The following AP1M1 variants were observed in gnomAD, a reference collection of about 807,000 sequenced individuals.
AP1M1 encodes AP-1 complex subunit mu-1.
Under a neutral mutation model 57.1 loss-of-function variants are expected in AP1M1, and 18 were observed. The ratio of observed to expected loss-of-function variants is 0.32; its 90% CI spans 0.22 to 0.47. AP1M1 has a LOEUF of 0.47. AP1M1 is among the 20% of genes least tolerant of loss of function. AP1M1 has a pLI of 1.00. For synonymous variants in AP1M1, 241 were observed against 237.9 expected (o/e 1.01, Z -0.12); for missense variants, 362 against 593.5 (o/e 0.61, Z 4.05).
chr19:16,230,587 G>T (rs1029408126), intron 9 of AP1M1, among the ~76,000 whole-genome samples: 1 of 152,118 alleles, frequency 6.6e-6, no homozygotes, highest in South Asian at 2.1e-4. Context: ...TTTTAATAGA[G>T]ACGGGGTTTC....
intron 5 of AP1M1, among the ~76,000 whole-genome samples, chr19:16,222,777 T>A (rs991943899): frequency 3.3e-5 from 5 of 152,132 alleles, no homozygotes; most frequent in Non-Finnish European, 7.4e-5. Context: ...CTGGCTAATT[T>A]TTTTTTATTT....
chr19:16,198,598 A>G (rs1434412974), intron 1 of AP1M1, among the ~76,000 whole-genome samples: 1 of 152,152 alleles, frequency 6.6e-6, no homozygotes, highest in African/African-American at 2.4e-5. Flanking sequence ...GTGAGTGGTG[A>G]TCACGAGTGC....
At chr19:16,231,126 A>G (rs2091594295) in intron 9 of AP1M1, among the ~76,000 whole-genome samples, 1 of 151,812 alleles carries the variant, frequency 6.6e-6, no homozygotes, top group Non-Finnish European at 1.5e-5. Context: ...GTCTCTACTA[A>G]AAATACAAAA....
Position 16,214,650 on chromosome 19 carries a change from C to G in AP1M1, c.546+5473C>G, listed in dbSNP as rs1211822768. Among the ~76,000 whole-genome samples the G allele has an allele frequency of 2.0e-5, 3 of 151,786 alleles. No homozygotes were observed. The South Asian group carries it at 6.2e-4, about 32-fold the overall frequency. Reference sequence around the variant, plus strand: ...TACAGGCATGAGCCACCACACCCGGCCTTCTTTTCATATTTAGTACTTCTT... The same window carrying G: ...TACAGGCATGAGCCACCACACCCGGGCTTCTTTTCATATTTAGTACTTCTT... On this transcript the variant is annotated intron_variant, in intron 5 of 11. Coordinates refer to ENST00000291439, the MANE Select transcript of AP1M1 (RefSeq NM_032493.4).
intron 2 of AP1M1, among the ~76,000 whole-genome samples, chr19:16,205,565 TG>T (rs2091466066): frequency 6.6e-6 from 1 of 152,052 alleles, no homozygotes; most frequent in South Asian, 2.1e-4. Context: ...AGCTCACTCC[TG>T]GGCAGACGAG....
At chr19:16,234,026 C>T in intron 10 of AP1M1, 173 bp from the exon 11 acceptor site, 3 of 655,846 alleles carry the variant, frequency 4.6e-6, no homozygotes, top group Non-Finnish European at 2.5e-6. Flanking sequence ...CGGCTCTGCC[C>T]TCCCACACAT....
In AP1M1 at chr19:16,206,457, C is replaced by T. The variant is rs2091470016; in HGVS notation, c.267+49C>T. On this transcript the variant is annotated intron_variant, in intron 3 of 11. Coordinates refer to ENST00000291439, the MANE Select transcript of AP1M1 (RefSeq NM_032493.4). This position sits in a 1 kb window ranked among gnomAD's most constrained non-coding sequence, Gnocchi z 4.3. ...TGGGCTTGGGTGGAGGTTGTCTTGG[C>T]TCTGCTTGTGGACCTCCCCATACCT... 1.3e-6 allele frequency: 2 copies of T among 1,599,384 alleles called. No individual in the cohort carries two copies. The highest frequency in any genetic ancestry group is 1.7e-5 in the Admixed American group (1 of 59,876).
chr19:16,231,646 G>T lies in AP1M1; in HGVS notation c.1048-1847G>T, dbSNP rs149828121. On this transcript the variant is annotated intron_variant, in intron 9 of 11. Coordinates refer to ENST00000291439, the MANE Select transcript of AP1M1 (RefSeq NM_032493.4). ...GGTTTCGCTATTGTTGCTCAGGCTG[G>T]TCTCAGGTGATCTGCCTGCTTCGGC... Among the ~76,000 whole-genome samples, 49 of 152,250 alleles carry T rather than the reference G, an allele frequency of 3.2e-4. No individual in the cohort carries two copies. In the East Asian group the frequency reaches 8.7e-3, roughly 27 times the overall value.
At chr19:16,219,402 T>TGG (rs1599460782) in intron 5 of AP1M1, among the ~76,000 whole-genome samples, 3 of 142,104 alleles carry the variant, frequency 2.1e-5, no homozygotes, top group East Asian at 2.0e-4. Context: ...TTTTTTGTTT[T>TGG]TTTTTTTTTT....
rs142658883 is a variant in AP1M1 at position 16,225,031 on chromosome 19, C to T, written c.547-1390C>T. On this transcript the variant is annotated intron_variant, in intron 5 of 11. Transcript: ENST00000291439. ...GTTGTGCACCATGGGATCAGGGAGC[C>T]GCTTGCGAGATGAGGACAGGACAGC... 3.7e-3 allele frequency among the ~76,000 whole-genome samples: 566 copies of T among 152,192 alleles called. 4 individuals carry two copies. Among genetic ancestry groups the T allele is most frequent in the African/African-American group, 0.013 (533 of 41,522 alleles).
intron 5 of AP1M1, among the ~76,000 whole-genome samples, chr19:16,222,584 G>A (rs1416943360): frequency 7.9e-6 from 1 of 127,380 alleles, no homozygotes; most frequent in Non-Finnish European, 1.8e-5. Flanking sequence ...TTTTCCATTT[G>A]ATTCTTCTCT....
At position 16,240,276 on chromosome 19, in the gene AP1M1, G is replaced by GTGTGTA. The variant is rs1555726384; in HGVS notation, c.*5846_*5847insATGTGT. Reference sequence around the variant, plus strand: ...TGTGTGTGTGTGTGTGTGTGTGTATGTGTGTGTGTGTGTGTGTGTGTGTGT... The same window carrying GTGTGTA: ...TGTGTGTGTGTGTGTGTGTGTGTATGTGTGTATGTGTGTGTGTGTGTGTGTGTGTGT... On this transcript the variant is annotated 3_prime_UTR_variant, in exon 12 of 12. Coordinates refer to ENST00000291439, the MANE Select transcript of AP1M1 (RefSeq NM_032493.4). 5 of 100,568 alleles carry GTGTGTA rather than the reference G, an allele frequency of 5.0e-5. No homozygotes were observed. The highest frequency in any genetic ancestry group is 6.9e-5 in the Non-Finnish European group (4 of 58,354). The allele number at this position is 100,568 out of a possible 1,614,324, so 6.2% of individuals were successfully genotyped here.
At chr19:16,198,096 T>C (rs1378005863) in intron 1 of AP1M1, 28 bp downstream of exon 1, 1 of 1,591,586 alleles carries the variant, frequency 6.3e-7, no homozygotes. Context: ...CCCTCCCTGT[T>C]GCCAGGCAAC....
At chr19:16,205,504 G>A (rs2091465839) in intron 2 of AP1M1, among the ~76,000 whole-genome samples, 1 of 152,176 alleles carries the variant, frequency 6.6e-6, no homozygotes, top group South Asian at 2.1e-4. Flanking sequence ...CCTGTGCTGT[G>A]CTGGGGTGAG....
rs140174007 is a variant in AP1M1 at position 16,240,782 on chromosome 19, C to G, written c.*6347C>G. 1 of 152,176 alleles carries G rather than the reference C, an allele frequency of 6.6e-6. No homozygotes were observed. Among genetic ancestry groups the G allele is most frequent in the Admixed American group, 6.5e-5 (1 of 15,270 alleles). The allele number at this position is 152,176 out of a possible 1,614,324, so 9.4% of individuals were successfully genotyped here. On this transcript the variant is annotated 3_prime_UTR_variant, in exon 12 of 12. Coordinates refer to ENST00000291439, the MANE Select transcript of AP1M1 (RefSeq NM_032493.4). The stretch of plus-strand genomic sequence containing the variant: ...CTTGAAATTTTAAGATCCAGGAAAC[C>G]GTTGAGTCCAAAGCATGATACACAA...
rs1422035968 is a variant in AP1M1, at chr19:16,227,372, G to A, written c.674-176G>A. Among the ~76,000 whole-genome samples the A allele has an allele frequency of 6.6e-6, 1 of 151,956 alleles. No homozygotes were observed. Among genetic ancestry groups the A allele is most frequent in the Non-Finnish European group, 1.5e-5 (1 of 67,910 alleles). On this transcript the variant is annotated intron_variant, in intron 6 of 11. Coordinates refer to ENST00000291439, the MANE Select transcript of AP1M1 (RefSeq NM_032493.4). This position sits in a 1 kb window ranked among gnomAD's most constrained non-coding sequence, Gnocchi z 6.2. Reference sequence around the variant, plus strand: ...GCCCCTGGGGACCCCAGGGGTGTGAGGAGTGATGGGGCAGTTGTCTTGGGA... The same window carrying A: ...GCCCCTGGGGACCCCAGGGGTGTGAAGAGTGATGGGGCAGTTGTCTTGGGA...
At chr19:16,204,956 G>A (rs1007929047) in intron 2 of AP1M1, among the ~76,000 whole-genome samples, 39 of 36,792 alleles carry the variant, frequency 1.1e-3, no homozygotes, top group African/African-American at 1.3e-3. Context: ...TCAGCCTCCC[G>A]AGTAGCTGGG....
In AP1M1 at chr19:16,236,064, G is replaced by C. The variant is rs1292838918; in HGVS notation, c.*1629G>C. The C allele has an allele frequency of 6.6e-6, 1 of 152,258 alleles. No homozygotes were observed. The highest frequency in any genetic ancestry group is 2.4e-5 in the African/African-American group (1 of 41,320). The allele number at this position is 152,258 out of a possible 1,614,324, so 9.4% of individuals were successfully genotyped here. A position where few individuals can be genotyped will look rare whatever the true frequency, so the allele number is the denominator to read the frequency against. ...CAGGCCTCAGACCAAAGCCCTGAAG[G>C]CATCCCTGGGGCCCCTCCCCTCACT... is the stretch of plus-strand genomic sequence containing the variant. On this transcript the variant is annotated 3_prime_UTR_variant, in exon 12 of 12. Transcript: ENST00000291439.
At chr19:16,201,847 G>A (rs986472100) in intron 1 of AP1M1, among the ~76,000 whole-genome samples, 18 of 152,196 alleles carry the variant, frequency 1.2e-4, no homozygotes, top group African/African-American at 3.1e-4. Flanking sequence ...CCAGGGCAGC[G>A]CAGGCAGAGA....
Sources: allele counts gnomAD v4.1 joint callset (sites outside exome capture counted in the v4.1 genomes callset), GRCh38; gene constraint gnomAD v4.1.1; non-coding constraint Gnocchi (gnomAD v3.1); transcripts MANE v1.5; gene names NCBI Gene and HGNC (gene_info 2026-07-23, HGNC 2026-07-21).